Variants in BMI1 observed in about 807,000 individuals in gnomAD.
The protein encoded by BMI1 is polycomb complex protein BMI-1.
Under a neutral mutation model 39.1 loss-of-function variants are expected in BMI1, and 9 were observed. The ratio of observed to expected loss-of-function variants is 0.23; its 90% CI spans 0.14 to 0.40. The LOEUF is 0.40. Among genes scored for constraint, BMI1 ranks in the 10% least tolerant of loss-of-function variants. BMI1 has a pLI of 1.00. For synonymous variants in BMI1, 131 were observed against 127.9 expected (o/e 1.02, Z -0.16); for missense variants, 252 against 390.8 (o/e 0.64, Z 2.99).
Position 22,321,378 on chromosome 10 carries a change from GGCGGCGGCGGCC to G in BMI1, c.-336_-325del, listed in dbSNP as rs980039567. On this transcript the variant is annotated 5_prime_UTR_variant, in exon 1 of 10. Transcript: ENST00000376663. ...CTCCCCCGAGTGCGGAGCGGGAGGA[GGCGGCGGCGGCC>G]GAGGAGGAGGAGGAGGAGGCCCCGG... 2 of 159,690 alleles carry G rather than the reference GGCGGCGGCGGCC, an allele frequency of 1.3e-5. No homozygotes were observed. Among genetic ancestry groups the G allele is most frequent in the African/African-American group, 2.4e-5 (1 of 41,472 alleles). 9.9% of individuals were successfully genotyped at this position (159,690 alleles called of 1,614,324 possible).
Position 22,321,407 on chromosome 10 carries a change from A to C in BMI1, c.-309A>C, listed in dbSNP as rs932611041. On this transcript the variant is annotated 5_prime_UTR_variant, in exon 1 of 10. Transcript: ENST00000376663. ...GCGGCGGCCGAGGAGGAGGAGGAGG[A>C]GGCCCCGGAGGAGGAGGCGTTGGAG... The C allele has an allele frequency of 1.0e-4, 16 of 160,792 alleles. No individual in the cohort carries two copies. The highest frequency in any genetic ancestry group is 3.8e-4 in the East Asian group (2 of 5,244). 10.0% of individuals were successfully genotyped at this position (160,792 alleles called of 1,614,324 possible). A position where few individuals can be genotyped will look rare whatever the true frequency, so the allele number is the denominator to read the frequency against.
chr10:22,329,168 ATATT>A (rs757123591), intron 9 of BMI1, 40 bp downstream of exon 9: 10 of 1,549,238 alleles, frequency 6.5e-6, no homozygotes, highest in Non-Finnish European at 8.9e-6. Context: ...ATGGTAAACT[ATATT>A]TAAAGAATTA....
intron 3 of BMI1, 50 bp downstream of exon 3, chr10:22,327,036 A>C: frequency 1.9e-6 from 3 of 1,590,078 alleles, no homozygotes; most frequent in Non-Finnish European, 2.6e-6. Context: ...GGAGTTGTAT[A>C]ATTTACTGAA....
At chr10:22,326,614 C>T (rs962223225) in intron 2 of BMI1, 53 bp downstream of exon 2, 9 of 1,582,324 alleles carry the variant, frequency 5.7e-6, no homozygotes, top group Non-Finnish European at 7.7e-6. Flanking sequence ...CACAGTTCGA[C>T]CTGGAATTTG....
chr10:22,323,599 C>A (rs1007557651), intron 1 of BMI1, among the ~76,000 whole-genome samples: 6 of 152,186 alleles, frequency 3.9e-5, no homozygotes, highest in African/African-American at 1.4e-4. Context: ...AGTTCATTTG[C>A]ATTTCTTAGA....
Position 22,329,652 on chromosome 10 carries a change from T to G in BMI1, c.*110T>G. 1 of 1,336,782 alleles carries G rather than the reference T, an allele frequency of 7.5e-7. No homozygotes were observed. The highest frequency in any genetic ancestry group is 1.0e-6 in the Non-Finnish European group (1 of 996,550). 82.8% of individuals were successfully genotyped at this position (1,336,782 alleles called of 1,614,324 possible). ...ACATGTGACTATCGTCCAATTTGCT[T>G]TCTTTTGTAGTGACATTAAATTTGG... On this transcript the variant is annotated 3_prime_UTR_variant, in exon 10 of 10. Coordinates refer to ENST00000376663, the MANE Select transcript of BMI1 (RefSeq NM_005180.9).
At chr10:22,325,820 G>C (rs1460283417) in intron 1 of BMI1, 2 of 152,024 alleles carry the variant, frequency 1.3e-5, no homozygotes, top group Non-Finnish European at 2.9e-5. Flanking sequence ...CTCGCATCCC[G>C]GCCCCCGGGC....
chr10:22,322,018 C>T (rs953205564), intron 1 of BMI1: 2 of 148,200 alleles, frequency 1.3e-5, no homozygotes, highest in Admixed American at 6.7e-5. Flanking sequence ...CCGCCGCCCG[C>T]TCAGCCCCGG....
At chr10:22,327,523 C>T in intron 3 of BMI1, 72 bp from the exon 4 acceptor site, 4 of 1,404,338 alleles carry the variant, frequency 2.8e-6, no homozygotes, top group Non-Finnish European at 3.9e-6. Flanking sequence ...CAAAAGAAGA[C>T]TATAGAAACT....
In BMI1 at chr10:22,321,389, CCGAG is replaced by C; in HGVS notation, c.-326_-323del. 6.2e-6 allele frequency: 1 copy of C among 160,146 alleles called. No individual in the cohort carries two copies. Among genetic ancestry groups the C allele is most frequent in the African/African-American group, 2.4e-5 (1 of 41,472 alleles). 9.9% of individuals were successfully genotyped at this position (160,146 alleles called of 1,614,324 possible). A position where few individuals can be genotyped will look rare whatever the true frequency, so the allele number is the denominator to read the frequency against. ...GCGGAGCGGGAGGAGGCGGCGGCGG[CCGAG>C]GAGGAGGAGGAGGAGGCCCCGGAGG... On this transcript the variant is annotated 5_prime_UTR_variant, in exon 1 of 10. Coordinates refer to ENST00000376663, the MANE Select transcript of BMI1 (RefSeq NM_005180.9).
At chr10:22,324,563 G>C (rs1436638866) in intron 1 of BMI1, among the ~76,000 whole-genome samples, 4 of 152,162 alleles carry the variant, frequency 2.6e-5, no homozygotes, top group African/African-American at 9.7e-5. Context: ...TCATAAGAGA[G>C]GCTTTGTTTT....
chr10:22,324,556 T>C (rs1293702315), intron 1 of BMI1, among the ~76,000 whole-genome samples: 1 of 152,242 alleles, frequency 6.6e-6, no homozygotes, highest in Non-Finnish European at 1.5e-5. Context: ...GTCACTTTCA[T>C]AAGAGAGGCT....
Position 22,327,647 on chromosome 10 carries a change from A to G in BMI1, c.262A>G (p.Lys88Glu). The stretch of plus-strand genomic sequence containing the variant: ...ATACAAATTAGTTCCAGGGCTTTTC[A>G]AAAGTGAGTAACTTGCTTAGAAAAT... ...IVYKLVPGLFKNEMKRRRDFY... is the reference protein window; with the variant it reads ...IVYKLVPGLFENEMKRRRDFY... Residue 88 changes from lysine to glutamate, a missense_variant, in exon 4 of 10, where the codon AAA becomes GAA. Coordinates refer to ENST00000376663, the MANE Select transcript of BMI1 (RefSeq NM_005180.9). 6.2e-7 allele frequency: 1 copy of G among 1,613,102 alleles called. No individual in the cohort carries two copies. The highest frequency in any genetic ancestry group is 8.5e-7 in the Non-Finnish European group (1 of 1,179,450).
Position 22,330,727 on chromosome 10 carries a change from T to A in BMI1, c.*1185T>A, listed in dbSNP as rs1435604776. On this transcript the variant is annotated 3_prime_UTR_variant, in exon 10 of 10. Coordinates refer to ENST00000376663, the MANE Select transcript of BMI1 (RefSeq NM_005180.9). ...TAGCAGTAATTTTAAATTTAAGAGTTGCTTTTACAGTTAACAATGGAATAT... is the reference window on the plus strand; with the variant it reads ...TAGCAGTAATTTTAAATTTAAGAGTAGCTTTTACAGTTAACAATGGAATAT... 1 of 152,568 alleles carries A rather than the reference T, an allele frequency of 6.6e-6. No homozygotes were observed. Among genetic ancestry groups the A allele is most frequent in the Non-Finnish European group, 1.5e-5 (1 of 67,998 alleles). 9.5% of individuals were successfully genotyped at this position (152,568 alleles called of 1,614,324 possible). A position where few individuals can be genotyped will look rare whatever the true frequency, so the allele number is the denominator to read the frequency against.
Position 22,329,805 on chromosome 10 carries a change from G to C in BMI1, c.*263G>C, listed in dbSNP as rs1189623753. 1 of 430,840 alleles carries C rather than the reference G, an allele frequency of 2.3e-6. No individual in the cohort carries two copies. The highest frequency in any genetic ancestry group is 4.1e-6 in the Non-Finnish European group (1 of 242,466). 26.7% of individuals were successfully genotyped at this position (430,840 alleles called of 1,614,324 possible). A position where few individuals can be genotyped will look rare whatever the true frequency, so the allele number is the denominator to read the frequency against. On this transcript the variant is annotated 3_prime_UTR_variant, in exon 10 of 10. Transcript: ENST00000376663. Reference sequence around the variant, plus strand: ...CTCTGTGTTAGGAAAGATGGGAAATGGTTTCTGTAACCATTGTTTGGATTT... The same window carrying C: ...CTCTGTGTTAGGAAAGATGGGAAATCGTTTCTGTAACCATTGTTTGGATTT...
At position 22,329,595 on chromosome 10, in the gene BMI1, C is replaced by A; in HGVS notation, c.*53C>A. The A allele has an allele frequency of 6.4e-7, 1 of 1,559,606 alleles. No homozygotes were observed. Among genetic ancestry groups the A allele is most frequent in the Non-Finnish European group, 8.7e-7 (1 of 1,150,336 alleles). ...TTAAACCCCTGATTTATATAGATAT[C>A]TTCATGCCATTACAGCTTTCTAGAT... On this transcript the variant is annotated 3_prime_UTR_variant, in exon 10 of 10. Coordinates refer to ENST00000376663, the MANE Select transcript of BMI1 (RefSeq NM_005180.9).
chr10:22,322,945 T>C (rs1836046774), intron 1 of BMI1, among the ~76,000 whole-genome samples: 2 of 152,182 alleles, frequency 1.3e-5, no homozygotes, highest in Admixed American at 6.5e-5. Flanking sequence ...AAGGATTTAG[T>C]GGGCTTAGTG....
chr10:22,329,025 T>C, intron 8 of BMI1, 23 bp from the exon 9 acceptor site: 3 of 1,565,116 alleles, frequency 1.9e-6, no homozygotes, highest in Non-Finnish European at 2.6e-6. Flanking sequence ...CTTTTATTAC[T>C]TAATAAAAAT....
At position 22,329,391 on chromosome 10, in the gene BMI1, C is replaced by T; in HGVS notation, c.830C>T (p.Thr277Ile). ...TCTTCTTGTTTGCCTAGCCCCAGTA[C>T]TCCAGTGCAGTCTCCTCATCCACAG... is the stretch of plus-strand genomic sequence containing the variant. ...STSSCLPSPS[T>I]PVQSPHPQFP... Residue 277 changes from threonine to isoleucine, a missense_variant, in exon 10 of 10, where the codon ACT becomes ATT. Transcript: ENST00000376663. 6.2e-7 allele frequency: 1 copy of T among 1,614,200 alleles called. No individual in the cohort carries two copies. The highest frequency in any genetic ancestry group is 8.5e-7 in the Non-Finnish European group (1 of 1,180,028).
Sources: gnomAD v4.1 joint callset for allele counts (sites outside exome capture counted in the v4.1 genomes callset) on GRCh38, gnomAD v4.1.1 for gene constraint, MANE v1.5 for transcripts, NCBI Gene and HGNC (gene_info 2026-07-23, HGNC 2026-07-21) for gene names.